The following FSD2 variants were observed in gnomAD, a reference collection of about 807,000 sequenced individuals.
FSD2 encodes fibronectin type III and SPRY domain-containing protein 2.
In FSD2, 71 loss-of-function variants were observed where a neutral mutation model predicts 80.4. The ratio of observed to expected loss-of-function variants is 0.88; its 90% CI spans 0.73 to 1.08. The LOEUF (loss-of-function observed/expected upper bound fraction) is 1.08. Ranked by LOEUF, FSD2 falls within the 50% of genes least tolerant of loss-of-function variation. The probability of loss-of-function intolerance (pLI) is 0.00; values close to 1 mark genes in which losing one functional copy is unlikely to be tolerated. For missense variants in FSD2, 923 were observed against 913.8 expected (o/e 1.01, Z -0.13); for synonymous variants, 361 against 329.5 (o/e 1.10, Z -1.03).
At chr15:82,771,833 C>G (rs982800599) in intron 7 of FSD2, among the ~76,000 whole-genome samples, 1 of 152,254 alleles carries the variant, frequency 6.6e-6, no homozygotes, top group Non-Finnish European at 1.5e-5. Context: ...AGGGACAACT[C>G]TGACCCAATG....
intron 1 of FSD2, among the ~76,000 whole-genome samples, chr15:82,800,906 CT>C (rs1009790642): frequency 3.3e-5 from 5 of 152,044 alleles, no homozygotes; most frequent in African/African-American, 1.2e-4. Flanking sequence ...AAAATCACCC[CT>C]GGGGTGGTGA....
chr15:82,769,997 T>A (rs562149514), intron 7 of FSD2, 113 bp from the exon 8 acceptor site: 2 of 1,174,866 alleles, frequency 1.7e-6, no homozygotes, highest in African/African-American at 1.5e-5. Context: ...ATTCCTCCCA[T>A]CCCTGTATGC....
chr15:82,773,815 C>A lies in FSD2; in HGVS notation c.1112-1587G>T, dbSNP rs1468313253. 2.0e-5 allele frequency among the ~76,000 whole-genome samples: 3 copies of A among 152,126 alleles called. No homozygotes were observed. The South Asian group carries it at 6.2e-4, about 32-fold the overall frequency. On this transcript the variant is annotated intron_variant, in intron 6 of 12. Transcript: ENST00000334574. ...GATTAAATAAATGAAAATATGTAGGCACTAAAGTGATATTGCAAAAGAATT... is the reference window on the plus strand; with the variant it reads ...GATTAAATAAATGAAAATATGTAGGAACTAAAGTGATATTGCAAAAGAATT...
intron 1 of FSD2, among the ~76,000 whole-genome samples, chr15:82,789,083 A>T (rs1022902984): frequency 1.3e-5 from 2 of 152,254 alleles, no homozygotes; most frequent in Admixed American, 6.5e-5. Context: ...CAAGGAAAAA[A>T]ATTATTTTAT....
At chr15:82,803,793 C>T (rs1161946517) in intron 1 of FSD2, among the ~76,000 whole-genome samples, 1 of 152,066 alleles carries the variant, frequency 6.6e-6, no homozygotes, top group Non-Finnish European at 1.5e-5. Context: ...TTTTCCTGTC[C>T]CCTCTCCCTG....
chr15:82,778,620 A>T, intron 6 of FSD2, 146 bp downstream of exon 6: 1 of 895,672 alleles, frequency 1.1e-6, no homozygotes, highest in Non-Finnish European at 1.7e-6. Context: ...ATGCTGTACA[A>T]CACAGTACCT....
chr15:82,756,604 A>G lies in FSD2; in HGVS notation c.*2744T>C, dbSNP rs1347327195. 1.3e-5 allele frequency: 2 copies of G among 152,206 alleles called. No individual in the cohort carries two copies. The highest frequency in any genetic ancestry group is 1.5e-5 in the Non-Finnish European group (1 of 68,040). The allele number at this position is 152,206 out of a possible 1,614,324, so 9.4% of individuals were successfully genotyped here. A position where few individuals can be genotyped will look rare whatever the true frequency, so the allele number is the denominator to read the frequency against. ...ATTTTAGATTGCAAGTCTCAAACCA[A>G]CTTTCCAATTCTGACTTGTAAGGGT... On this transcript the variant is annotated 3_prime_UTR_variant, in exon 13 of 13. Transcript: ENST00000334574.
chr15:82,756,118 CT>C lies in FSD2; in HGVS notation c.*3229del. ...TCCTATAGAAAATAGGAGTAGTACA[CT>C]TATAGATGAGAAAACTGGAGAAAGA... On this transcript the variant is annotated 3_prime_UTR_variant, in exon 13 of 13. Transcript: ENST00000334574. The C allele has an allele frequency of 2.7e-6, 1 of 375,942 alleles. No homozygotes were observed. Among genetic ancestry groups the C allele is most frequent in the Non-Finnish European group, 5.5e-6 (1 of 183,120 alleles). 23.3% of individuals were successfully genotyped at this position (375,942 alleles called of 1,614,324 possible).
Position 82,786,758 on chromosome 15 carries a change from A to G in FSD2, c.633T>C (p.Ser211=). ...ACCAAGGACACCTATTTACCTTGGC[A>G]CTTTCCAGTGCTTCATTGAGTGGGA... ...EVIPLNEALE[S]AKDEIHKNMY... Residue 211 remains serine (S), a synonymous_variant, in exon 2 of 13, where the codon AGT becomes AGC. Transcript: ENST00000334574. 1 of 1,613,130 alleles carries G rather than the reference A, an allele frequency of 6.2e-7. No individual in the cohort carries two copies. Among genetic ancestry groups the G allele is most frequent in the Non-Finnish European group, 8.5e-7 (1 of 1,179,372 alleles).
At chr15:82,803,312 A>G (rs553254179) in intron 1 of FSD2, among the ~76,000 whole-genome samples, 2 of 152,068 alleles carry the variant, frequency 1.3e-5, no homozygotes, top group Non-Finnish European at 2.9e-5. Context: ...TAGCTTATAC[A>G]GCATATGTTG....
chr15:82,784,255 ATTTTT>A (rs1001596532), intron 3 of FSD2, among the ~76,000 whole-genome samples: 45 of 150,162 alleles, frequency 3.0e-4, no homozygotes, highest in African/African-American at 7.3e-4. Context: ...ATTTTATTTT[ATTTTT>A]TTTTTATGGA....
intron 4 of FSD2, among the ~76,000 whole-genome samples, chr15:82,782,133 C>T (rs918334282): frequency 3.3e-4 from 50 of 149,374 alleles, no homozygotes; most frequent in Middle Eastern, 3.4e-3. Context: ...TGGTGGCTCA[C>T]GCCTGTAATC....
At chr15:82,768,200 T>G (rs1177140067) in intron 9 of FSD2, among the ~76,000 whole-genome samples, 1 of 152,252 alleles carries the variant, frequency 6.6e-6, no homozygotes, top group Non-Finnish European at 1.5e-5. Context: ...TGTTTTCGCC[T>G]ATGGCTTTCA....
At chr15:82,797,020 T>TAAAAA (rs11286584) in intron 1 of FSD2, among the ~76,000 whole-genome samples, 1 of 97,376 alleles carries the variant, frequency 1.0e-5, no homozygotes, top group Non-Finnish European at 2.2e-5. Context: ...GCTTGGTAAT[T>TAAAAA]AAAAAAAAAA....
intron 3 of FSD2, 117 bp downstream of exon 3, chr15:82,786,394 G>A: frequency 1.3e-6 from 1 of 760,488 alleles, no homozygotes; most frequent in Non-Finnish European, 2.2e-6. Flanking sequence ...AAGGGGGAGT[G>A]GTGACCCCTC....
In FSD2 at chr15:82,755,950, G is replaced by C. The variant is rs776052437; in HGVS notation, c.*3398C>G. The C allele has an allele frequency of 1.9e-6, 1 of 513,792 alleles. No individual in the cohort carries two copies. The highest frequency in any genetic ancestry group is 1.4e-5 in the South Asian group (1 of 70,336). The allele number at this position is 513,792 out of a possible 1,614,324, so 31.8% of individuals were successfully genotyped here. A position where few individuals can be genotyped will look rare whatever the true frequency, so the allele number is the denominator to read the frequency against. On this transcript the variant is annotated 3_prime_UTR_variant, in exon 13 of 13. Coordinates refer to ENST00000334574, the MANE Select transcript of FSD2 (RefSeq NM_001007122.4). ...CTGGATTTGGTTATGTTCTTCTGGA[G>C]ACTAAGAAAATAGAGTCCTTGAAAT...
chr15:82,791,133 G>A (rs1470197333), intron 1 of FSD2, among the ~76,000 whole-genome samples: 1 of 151,120 alleles, frequency 6.6e-6, no homozygotes, highest in Non-Finnish European at 1.5e-5. Flanking sequence ...CCAGTAGCTG[G>A]GACTACAGGC....
chr15:82,799,308 C>G (rs1331747175), intron 1 of FSD2, among the ~76,000 whole-genome samples: 1 of 152,186 alleles, frequency 6.6e-6, no homozygotes, highest in Non-Finnish European at 1.5e-5. Context: ...TGTCCCCCGG[C>G]TCAGCTGGGA....
intron 6 of FSD2, among the ~76,000 whole-genome samples, chr15:82,778,127 CATATATATATATATATATAT>C (rs34527251): frequency 1.2e-5 from 1 of 83,936 alleles, no homozygotes; most frequent in South Asian, 3.7e-4. Context: ...ACAAAAAAAC[CATATATATATATATATATAT>C]ATATATATAT....
Sources: gnomAD v4.1 joint callset for allele counts (sites outside exome capture counted in the v4.1 genomes callset) on GRCh38, gnomAD v4.1.1 for gene constraint, MANE v1.5 for transcripts, NCBI Gene and HGNC (gene_info 2026-07-23, HGNC 2026-07-21) for gene names.